WDR49: variants seen among roughly 807,000 people sequenced by gnomAD.
WDR49 encodes the protein cilia- and flagella-associated protein 337.
Under a neutral mutation model 119.5 loss-of-function variants are expected in WDR49, and 107 were observed. The ratio of observed to expected loss-of-function variants is 0.90; its 90% CI spans 0.77 to 1.05. WDR49 has a LOEUF of 1.05. Ranked by LOEUF, WDR49 falls within the 50% of genes least tolerant of loss-of-function variation. The probability of loss-of-function intolerance (pLI) is 0.00; values close to 1 mark genes in which losing one functional copy is unlikely to be tolerated. For synonymous variants in WDR49, 425 were observed against 418.8 expected (o/e 1.01, Z -0.18); for missense variants, 1,240 against 1,220.5 (o/e 1.02, Z -0.24).
chr3:167,653,215 C>T, intron 2 of WDR49, 46 bp downstream of exon 2: 2 of 1,530,070 alleles, frequency 1.3e-6, no homozygotes, highest in Non-Finnish European at 1.8e-6. Context: ...TTCTAGGCTC[C>T]TTCATGAACA....
intron 7 of WDR49, among the ~76,000 whole-genome samples, chr3:167,597,430 G>A (rs1158753944): frequency 6.6e-6 from 1 of 152,152 alleles, no homozygotes; most frequent in Non-Finnish European, 1.5e-5. Flanking sequence ...CTCCACTAAG[G>A]CAGTTCAGAG....
intron 7 of WDR49, among the ~76,000 whole-genome samples, chr3:167,597,527 A>G (rs1301818604): frequency 6.6e-6 from 1 of 151,896 alleles, no homozygotes; most frequent in East Asian, 1.9e-4. Flanking sequence ...CATTCTCTAG[A>G]CTCCAGAAGG....
Position 167,653,265 on chromosome 3 carries a change from A to G in WDR49, c.161T>C (p.Phe54Ser), listed in dbSNP as rs1380732604. ...VGDFVKIQKA[F>S]ESPQPRKIIC... ...GTCAATAAGCTTCACACTTACCTCA[A>G]AGGCCTTCTGTATTTTTACAAAGTC... The change falls in exon 2 of 19, where the codon TTT becomes TCT. Residue 54 changes from phenylalanine to serine, a missense_variant. Transcript: ENST00000682715. 14 of 1,536,124 alleles carry G rather than the reference A, an allele frequency of 9.1e-6. No individual in the cohort carries two copies. The highest frequency in any genetic ancestry group is 1.0e-5 in the Non-Finnish European group (12 of 1,146,866).
chr3:167,495,883 GAAAAAAAAAA>G, intron 18 of WDR49, among the ~76,000 whole-genome samples: 1,129 of 71,252 alleles, frequency 0.016, 25 homozygotes, highest in East Asian at 0.061. Context: ...TTAAAAATTT[GAAAAAAAAAA>G]AAAAAAAAAA....
chr3:167,572,075 T>C (rs1373765498), intron 8 of WDR49, among the ~76,000 whole-genome samples: 1 of 152,206 alleles, frequency 6.6e-6, no homozygotes, highest in African/African-American at 2.4e-5. Context: ...TGTTTTCTTG[T>C]AAAAAGCTTC....
At chr3:167,645,298 C>A (rs1400861727) in intron 2 of WDR49, among the ~76,000 whole-genome samples, 2 of 152,016 alleles carry the variant, frequency 1.3e-5, no homozygotes, top group African/African-American at 4.8e-5. Flanking sequence ...GCAACCTTCA[C>A]CTCCCGGGTT....
At chr3:167,580,190 T>C (rs1333375273) in intron 7 of WDR49, among the ~76,000 whole-genome samples, 1 of 152,178 alleles carries the variant, frequency 6.6e-6, no homozygotes, top group East Asian at 1.9e-4. Flanking sequence ...AATTAATGTT[T>C]ACTGTTCTTC....
chr3:167,560,786 A>G (rs866373027), intron 8 of WDR49, among the ~76,000 whole-genome samples: 486 of 69,366 alleles, frequency 7.0e-3, no homozygotes, highest in South Asian at 0.016. Context: ...TAGATTACTA[A>G]AAAAAAAAAA....
At chr3:167,621,296 G>T (rs1333764792) in intron 4 of WDR49, among the ~76,000 whole-genome samples, 171 bp downstream of exon 4, 1 of 152,044 alleles carries the variant, frequency 6.6e-6, no homozygotes, top group Non-Finnish European at 1.5e-5. Context: ...ATTTGTTTTT[G>T]TACGCAAGAA....
chr3:167,518,949 T>C (rs1225634254), intron 16 of WDR49, among the ~76,000 whole-genome samples: 1 of 150,248 alleles, frequency 6.7e-6, no homozygotes, highest in African/African-American at 2.4e-5. Context: ...AACAACCCCA[T>C]TAAAAAGTGG....
At chr3:167,582,832 C>T (rs1314763822) in intron 7 of WDR49, among the ~76,000 whole-genome samples, 7 of 152,000 alleles carry the variant, frequency 4.6e-5, no homozygotes, top group Non-Finnish European at 8.8e-5. Context: ...CCTGTAATTC[C>T]AGCTACATGG....
At chr3:167,651,880 C>A (rs1313541422) in intron 2 of WDR49, among the ~76,000 whole-genome samples, 1 of 152,138 alleles carries the variant, frequency 6.6e-6, no homozygotes, top group Non-Finnish European at 1.5e-5. Flanking sequence ...AGCAGTTTCA[C>A]CAACACATCA....
upstream of WDR49, among the ~76,000 whole-genome samples, chr3:167,656,965 G>A (rs1416519132): frequency 6.6e-6 from 1 of 152,174 alleles, no homozygotes; most frequent in Non-Finnish European, 1.5e-5. Context: ...AGAGGGCAGA[G>A]TAAGCTGATA....
Position 167,653,436 on chromosome 3 carries a change from C to A in WDR49, c.-11G>T, listed in dbSNP as rs1007840633. On this transcript the variant is annotated 5_prime_UTR_variant, in exon 2 of 19. Coordinates refer to ENST00000682715, the MANE Select transcript of WDR49 (RefSeq NM_001366157.1). ...TTTCTGGCAACTCATAATGGCTTCA[C>A]CTTTTCTCAGTTGCCTTCAACTATT... 26 of 1,486,524 alleles carry A rather than the reference C, an allele frequency of 1.7e-5. No homozygotes were observed. The Middle Eastern group carries it at 5.2e-4, about 30-fold the overall frequency. The allele number at this position is 1,486,524 out of a possible 1,614,324, so 92.1% of individuals were successfully genotyped here.
At chr3:167,552,780 A>G (rs1346513767) in intron 10 of WDR49, among the ~76,000 whole-genome samples, 1 of 152,104 alleles carries the variant, frequency 6.6e-6, no homozygotes, top group Non-Finnish European at 1.5e-5. Context: ...GCTACACAGC[A>G]CTGTAAATAA....
chr3:167,623,835 G>T (rs1375157109), intron 3 of WDR49, among the ~76,000 whole-genome samples: 1 of 151,862 alleles, frequency 6.6e-6, no homozygotes, highest in Non-Finnish European at 1.5e-5. Context: ...AAACACTACA[G>T]AACTAACACA....
intron 18 of WDR49, among the ~76,000 whole-genome samples, chr3:167,483,783 G>C (rs1297582904): frequency 6.6e-6 from 1 of 151,930 alleles, no homozygotes; most frequent in Non-Finnish European, 1.5e-5. Flanking sequence ...TCTTCACCTA[G>C]AACACTCTCA....
intron 2 of WDR49, among the ~76,000 whole-genome samples, chr3:167,627,966 A>G (rs915977985): frequency 2.0e-5 from 3 of 152,040 alleles, no homozygotes; most frequent in African/African-American, 7.2e-5. Flanking sequence ...TAATTCTTAT[A>G]ATATTTAAAA....
At chr3:167,537,807 C>A (rs1711558837) in intron 10 of WDR49, among the ~76,000 whole-genome samples, 1 of 152,054 alleles carries the variant, frequency 6.6e-6, no homozygotes, top group Admixed American at 6.6e-5. Flanking sequence ...CCTTCTAGAG[C>A]CATCTAGATC....
Sources: allele counts gnomAD v4.1 joint callset (sites outside exome capture counted in the v4.1 genomes callset), GRCh38; gene constraint gnomAD v4.1.1; transcripts MANE v1.5; gene names NCBI Gene and HGNC (gene_info 2026-07-23, HGNC 2026-07-21).